The following MSTO1 variants were observed in gnomAD, a reference collection of about 807,000 sequenced individuals.
The protein encoded by MSTO1 is misato mitochondrial distribution and morphology regulator 1, also known as protein misato homolog 1.
MSTO1 carries 24 observed loss-of-function variants against 55.7 expected under a neutral mutation model. That is an observed-to-expected ratio of 0.43 (90% CI 0.31 to 0.61). MSTO1 has a LOEUF of 0.61. MSTO1 is among the 20% of genes least tolerant of loss of function. The probability of loss-of-function intolerance (pLI) is 0.09; values close to 1 mark genes in which losing one functional copy is unlikely to be tolerated. For synonymous variants in MSTO1, 162 were observed against 252.8 expected, an observed-to-expected ratio of 0.64 and a Z score of 3.41; for missense variants, 363 against 625.7, an observed-to-expected ratio of 0.58 and a Z score of 4.48.
rs1005120243 is a variant in MSTO1, at chr1:155,612,415, C to G, written c.814-3C>G. ...TTAATACAAACTACTCTTTCTTCACCAGGAGGCCCAGAGAAACATCTATCG... is the reference window on the plus strand; with the variant it reads ...TTAATACAAACTACTCTTTCTTCACGAGGAGGCCCAGAGAAACATCTATCG... On this transcript the variant is annotated splice_polypyrimidine_tract_variant and splice_region_variant and intron_variant, in intron 8 of 13. Transcript: ENST00000245564. The G allele has an allele frequency of 6.2e-7, 1 of 1,609,124 alleles. No homozygotes were observed. The highest frequency in any genetic ancestry group is 1.3e-5 in the African/African-American group (1 of 74,642).
the MSTO1 span, among the ~76,000 whole-genome samples, chr1:155,585,792 C>A: frequency 6.6e-6 from 1 of 152,042 alleles, no homozygotes; most frequent in African/African-American, 2.4e-5. Flanking sequence ...TATCAGTTTC[C>A]TTGTGTGCCT....
chr1:155,590,675 T>C, the MSTO1 span: 1 of 1,454,990 alleles, frequency 6.9e-7, no homozygotes, highest in East Asian at 2.3e-5. Flanking sequence ...TAGCGGGCCA[T>C]GTAATGGCTG....
At chr1:155,569,202 C>T in the MSTO1 span, among the ~76,000 whole-genome samples, 921 of 151,854 alleles carry the variant, frequency 6.1e-3, 8 homozygotes, top group African/African-American at 0.022. Context: ...GTAGCGCGAT[C>T]TCAGCTCACT....
At chr1:155,566,804 G>C in the MSTO1 span, among the ~76,000 whole-genome samples, 1 of 151,586 alleles carries the variant, frequency 6.6e-6, no homozygotes, top group South Asian at 2.1e-4. Context: ...TAGTAGAGAT[G>C]GGGTTTCTCC....
the MSTO1 span, among the ~76,000 whole-genome samples, chr1:155,576,500 T>C: frequency 6.6e-6 from 1 of 151,698 alleles, no homozygotes; most frequent in African/African-American, 2.4e-5. Flanking sequence ...CTAAGTTTTG[T>C]ATTTTTAGTA....
the MSTO1 span, among the ~76,000 whole-genome samples, chr1:155,587,578 C>T: frequency 1.7e-4 from 26 of 150,246 alleles, no homozygotes; most frequent in African/African-American, 6.4e-4. Context: ...CCCGTCTCTA[C>T]TGAAAATACA....
chr1:155,606,140 T>C (rs1454836978), upstream of MSTO1, among the ~76,000 whole-genome samples: 3 of 148,416 alleles, frequency 2.0e-5, no homozygotes, highest in Non-Finnish European at 4.5e-5. Context: ...TTTAAGCAAT[T>C]CTCCTGCCTC....
upstream of MSTO1, chr1:155,610,088 G>C (rs1357000602): frequency 4.2e-6 from 3 of 710,646 alleles, no homozygotes; most frequent in Admixed American, 2.9e-5. Context: ...TCTAGGAAGA[G>C]GTAGGAAGGG....
upstream of MSTO1, among the ~76,000 whole-genome samples, chr1:155,609,239 ATATATTTTT>A (rs1673265742): frequency 3.7e-5 from 1 of 27,252 alleles, no homozygotes; most frequent in South Asian, 2.0e-3. Context: ...ATATATATAT[ATATATTTTT>A]TTTTTTTTTT....
chr1:155,563,617 TAGAC>T, the MSTO1 span: 5 of 456,128 alleles, frequency 1.1e-5, no homozygotes, highest in East Asian at 6.9e-5. Context: ...TCAGCCTCGT[TAGAC>T]AGCCTGGTGA....
At chr1:155,606,396 T>G (rs375276427), upstream of MSTO1, among the ~76,000 whole-genome samples, 1 of 150,200 alleles carries the variant, frequency 6.7e-6, no homozygotes, top group South Asian at 2.1e-4. Flanking sequence ...TTTCTTCTTC[T>G]TCTTTCTTTT....
chr1:155,577,380 G>T, the MSTO1 span, among the ~76,000 whole-genome samples: 9 of 151,990 alleles, frequency 5.9e-5, 1 homozygote, highest in South Asian at 1.9e-3. Flanking sequence ...GAGCCACCAC[G>T]CCCGGCCGCC....
upstream of MSTO1, among the ~76,000 whole-genome samples, chr1:155,608,471 C>T (rs12077558): frequency 0.024 from 3,595 of 151,818 alleles, 133 homozygotes; most frequent in African/African-American, 0.08. Context: ...TGAGCCTCTG[C>T]GCCCAACCAA....
the MSTO1 span, chr1:155,590,692 C>T: frequency 2.5e-3 from 3,803 of 1,515,858 alleles, 131 homozygotes; most frequent in East Asian, 0.058. Context: ...GCTGGGGCCC[C>T]GTGACCCCCC....
chr1:155,590,276 G>C, the MSTO1 span, among the ~76,000 whole-genome samples: 1 of 152,058 alleles, frequency 6.6e-6, no homozygotes, highest in Non-Finnish European at 1.5e-5. Flanking sequence ...CTTGGGGACA[G>C]TCTGTCTTGT....
At chr1:155,583,546 AAAG>A in the MSTO1 span, among the ~76,000 whole-genome samples, 1 of 152,038 alleles carries the variant, frequency 6.6e-6, no homozygotes, top group Admixed American at 6.6e-5. Context: ...ACAAAATAAT[AAAG>A]TAGTGAGGAA....
the MSTO1 span, among the ~76,000 whole-genome samples, chr1:155,603,793 G>A: frequency 5.4e-4 from 82 of 152,264 alleles, no homozygotes; most frequent in African/African-American, 1.9e-3. Flanking sequence ...GGGAGGCAGA[G>A]GTTGCAGTGA....
Position 155,614,519 on chromosome 1 carries a change from TCA to T in MSTO1, c.*247_*248del, listed in dbSNP as rs1261267865. 1.6e-6 allele frequency: 1 copy of T among 632,868 alleles called. No individual in the cohort carries two copies. Among genetic ancestry groups the T allele is most frequent in the Non-Finnish European group, 2.8e-6 (1 of 354,330 alleles). 39.2% of individuals were successfully genotyped at this position (632,868 alleles called of 1,614,324 possible). A position where few individuals can be genotyped will look rare whatever the true frequency, so the allele number is the denominator to read the frequency against. On this transcript the variant is annotated 3_prime_UTR_variant, in exon 14 of 14. Transcript: ENST00000245564. ...CTTACAGAGGACATCTGTAAAGTCT[TCA>T]TAAAAGACCTTGAATGATGCCTAGG...
chr1:155,573,092 G>C, the MSTO1 span, among the ~76,000 whole-genome samples: 10 of 152,260 alleles, frequency 6.6e-5, no homozygotes, highest in Admixed American at 2.0e-4. Flanking sequence ...ATACCCAAAG[G>C]CTACATGTTA....
Sources: gnomAD v4.1 joint callset for allele counts (sites outside exome capture counted in the v4.1 genomes callset) on GRCh38, gnomAD v4.1.1 for gene constraint, MANE v1.5 for transcripts, NCBI Gene and HGNC (gene_info 2026-07-23, HGNC 2026-07-21) for gene names.